CELF2: variants seen among roughly 807,000 people sequenced by gnomAD.
CELF2 encodes the protein CUG triplet repeat RNA-binding protein 2.
A neutral mutation model predicts 62.6 loss-of-function variants in CELF2; 8 were observed. The observed-to-expected ratio is 0.13, with a 90% CI of 0.07 to 0.23. CELF2 has a LOEUF of 0.23. CELF2 is among the 10% of genes least tolerant of loss of function. The pLI, the probability that CELF2 is intolerant of heterozygous loss-of-function variation, is 1.00. For missense variants in CELF2, 333 were observed against 671.0 expected, an observed-to-expected ratio of 0.50 and a Z score of 5.56; for synonymous variants, 258 against 250.0, an observed-to-expected ratio of 1.03 and a Z score of -0.30.
At position 11,126,763 on chromosome 10, in the gene CELF2, A is replaced by G. The variant is rs142075683; in HGVS notation, c.75-38723A>G. Among the ~76,000 whole-genome samples the G allele has an allele frequency of 4.6e-5, 7 of 152,290 alleles. No individual in the cohort carries two copies. In the East Asian group the frequency reaches 1.4e-3, roughly 29 times the overall value. ...ATACATTTCTGGTAGTTAGCATTTT[A>G]TATTTCCTACTCCCTTGTAATAATT... On this transcript the variant is annotated intron_variant, in intron 1 of 12. Transcript: ENST00000633077.
At chr10:10,952,298 G>A (rs188701446) in intron 2 of CELF2, 51 of 152,318 alleles carry the variant, frequency 3.3e-4, no homozygotes, top group African/African-American at 1.1e-3. Context: ...TCACAGCTCT[G>A]TGATCCAGAC....
In CELF2 at chr10:11,114,785, T is replaced by A. The variant is rs184014526; in HGVS notation, c.75-50701T>A. Among the ~76,000 whole-genome samples the A allele has an allele frequency of 5.3e-5, 8 of 152,356 alleles. No homozygotes were observed. In the East Asian group the frequency reaches 1.3e-3, roughly 26 times the overall value. On this transcript the variant is annotated intron_variant, in intron 1 of 12. Transcript: ENST00000633077. ...TATACTCTGAAAAGATCAATACCTC[T>A]TTTTCTACACCCACTACAGAAGATG...
At chr10:10,736,080 C>T in the CELF2 span, among the ~76,000 whole-genome samples, 1 of 152,082 alleles carries the variant, frequency 6.6e-6, no homozygotes, top group Admixed American at 6.6e-5. Flanking sequence ...TATTGAGTAC[C>T]CAGTCTAGTT....
rs145796330 is a variant in CELF2, at chr10:11,093,007, G to A, written c.75-72479G>A. On this transcript the variant is annotated intron_variant, in intron 1 of 12. Transcript: ENST00000633077. The stretch of plus-strand genomic sequence containing the variant: ...TTCAGATGCTGTCCAGTGCAATTCC[G>A]TCCATTCCACTGTGTAATAATAGGA... Among the ~76,000 whole-genome samples, 445 of 152,256 alleles carry A rather than the reference G, an allele frequency of 2.9e-3. 11 individuals carry two copies. Among genetic ancestry groups the A allele is most frequent in the Admixed American group, 0.025 (386 of 15,298 alleles).
chr10:10,767,856 CGTGGTGGCGGGCGCCT>C, the CELF2 span, among the ~76,000 whole-genome samples: 1 of 140,110 alleles, frequency 7.1e-6, no homozygotes, highest in African/African-American at 2.7e-5. Context: ...ATTAGCCGGG[CGTGGTGGCGGGCGCCT>C]GTAGTCCCAG....
chr10:11,096,314 T>A (rs1289166558), intron 1 of CELF2: 1 of 152,186 alleles, frequency 6.6e-6, no homozygotes, highest in East Asian at 1.9e-4. Flanking sequence ...CTAATTTGCA[T>A]TACTTGAGAA....
At chr10:10,565,885 A>G in the CELF2 span, among the ~76,000 whole-genome samples, 1 of 152,208 alleles carries the variant, frequency 6.6e-6, no homozygotes, top group Non-Finnish European at 1.5e-5. Context: ...ACCTTTAATT[A>G]AGGGTCAGCA....
chr10:10,962,711 C>G (rs2049663371), intron 2 of CELF2, among the ~76,000 whole-genome samples: 1 of 152,082 alleles, frequency 6.6e-6, no homozygotes, highest in Non-Finnish European at 1.5e-5. Flanking sequence ...GGTGTTAGAG[C>G]AAGACACTGT....
the CELF2 span, among the ~76,000 whole-genome samples, chr10:10,489,586 A>G: frequency 6.6e-6 from 1 of 152,114 alleles, no homozygotes; most frequent in Non-Finnish European, 1.5e-5. Context: ...TGATTCTTAT[A>G]TGTCAGTCAA....
intron 1 of CELF2, among the ~76,000 whole-genome samples, chr10:10,868,629 G>T (rs1051100610): frequency 4.6e-5 from 7 of 152,162 alleles, no homozygotes; most frequent in Admixed American, 6.5e-5. Flanking sequence ...AGCTGTCTTT[G>T]GGGTCTACCA....
chr10:10,785,219 G>T, the CELF2 span, among the ~76,000 whole-genome samples: 4 of 152,110 alleles, frequency 2.6e-5, no homozygotes, highest in African/African-American at 9.7e-5. Context: ...CTTTACATCA[G>T]CATCACCTGG....
In CELF2 at chr10:11,024,865, T is replaced by C. The variant is rs550817873; in HGVS notation, c.74+6702T>C. Among the ~76,000 whole-genome samples, 127 of 152,336 alleles carry C rather than the reference T, an allele frequency of 8.3e-4. 2 individuals are homozygous for C. Among genetic ancestry groups the C allele is most frequent in the Non-Finnish European group, 1.6e-3 (107 of 68,024 alleles). On this transcript the variant is annotated intron_variant, in intron 1 of 12. Transcript: ENST00000633077. ...TTATTTCACATCTTGACATAGCTTTTGGACAGCTTAAATTGTTTCTGGTAC... is the reference window on the plus strand; with the variant it reads ...TTATTTCACATCTTGACATAGCTTTCGGACAGCTTAAATTGTTTCTGGTAC...
the CELF2 span, among the ~76,000 whole-genome samples, chr10:10,508,646 G>C: frequency 1.0e-4 from 15 of 148,532 alleles, no homozygotes. Flanking sequence ...CCCTCACCCA[G>C]ATTTCTTAAA....
At chr10:10,691,062 T>C in the CELF2 span, among the ~76,000 whole-genome samples, 1 of 152,194 alleles carries the variant, frequency 6.6e-6, no homozygotes, top group Non-Finnish European at 1.5e-5. Context: ...TTGTGCAGGT[T>C]AGTTACATAT....
the CELF2 span, among the ~76,000 whole-genome samples, chr10:10,666,335 C>A: frequency 6.6e-6 from 1 of 152,142 alleles, no homozygotes; most frequent in Non-Finnish European, 1.5e-5. Context: ...TCAGTGGGGG[C>A]AGGTTGTGGG....
rs1168278192 is a variant in CELF2, at chr10:11,247,682, C to T, written c.355-1471C>T. Reference sequence around the variant, plus strand: ...CTGGCCTTTGTTCCCAGTTTTTGGCCTAGAGACTGACATAGGGTACCTGTT... The same window carrying T: ...CTGGCCTTTGTTCCCAGTTTTTGGCTTAGAGACTGACATAGGGTACCTGTT... On this transcript the variant is annotated intron_variant, in intron 3 of 12. Coordinates refer to ENST00000633077, the MANE Select transcript of CELF2 (RefSeq NM_001326342.2). This position sits in a 1 kb window ranked among gnomAD's most constrained non-coding sequence, Gnocchi z 5.4. Among the ~76,000 whole-genome samples the T allele has an allele frequency of 1.3e-5, 2 of 152,110 alleles. No homozygotes were observed. The highest frequency in any genetic ancestry group is 4.8e-5 in the African/African-American group (2 of 41,406).
chr10:10,831,374 C>A (rs2057842719), intron 1 of CELF2, among the ~76,000 whole-genome samples: 1 of 152,206 alleles, frequency 6.6e-6, no homozygotes, highest in Non-Finnish European at 1.5e-5. Flanking sequence ...CCACGCTGCC[C>A]TTCCTACATC....
chr10:10,487,222 A>G, the CELF2 span, among the ~76,000 whole-genome samples: 1 of 152,136 alleles, frequency 6.6e-6, no homozygotes, highest in African/African-American at 2.4e-5. Context: ...TACTATTATT[A>G]TTAGATATTA....
At chr10:10,783,034 T>C in the CELF2 span, among the ~76,000 whole-genome samples, 3 of 152,198 alleles carry the variant, frequency 2.0e-5, no homozygotes, top group African/African-American at 4.8e-5. Context: ...AAATCCTATA[T>C]AGGTTTAAGG....
Sources: allele counts gnomAD v4.1 joint callset (sites outside exome capture counted in the v4.1 genomes callset), GRCh38; gene constraint gnomAD v4.1.1; non-coding constraint Gnocchi (gnomAD v3.1); transcripts MANE v1.5; gene names NCBI Gene and HGNC (gene_info 2026-07-23, HGNC 2026-07-21).